The following PATJ variants were observed in gnomAD, a reference collection of about 807,000 sequenced individuals.
PATJ encodes the protein inaD-like protein.
A neutral mutation model predicts 224.9 loss-of-function variants in PATJ; 190 were observed. The ratio of observed to expected loss-of-function variants is 0.84; its 90% CI spans 0.75 to 0.95. The LOEUF (loss-of-function observed/expected upper bound fraction) is 0.95. Among genes scored for constraint, PATJ ranks in the 40% least tolerant of loss-of-function variants. The pLI, the probability that PATJ is intolerant of heterozygous loss-of-function variation, is 0.00. For missense variants in PATJ, 2,121 were observed against 2,270.3 expected, an observed-to-expected ratio of 0.93 and a Z score of 1.34; for synonymous variants, 769 against 820.3, an observed-to-expected ratio of 0.94 and a Z score of 1.07.
At chr1:61,800,266 T>C (rs1652201423) in intron 11 of PATJ, among the ~76,000 whole-genome samples, 1 of 152,204 alleles carries the variant, frequency 6.6e-6, no homozygotes, top group Non-Finnish European at 1.5e-5. Context: ...ATATCAGTTG[T>C]TTTTTGACTT....
At position 61,782,902 on chromosome 1, in the gene PATJ, C is replaced by T. The variant is rs146011468; in HGVS notation, c.850-4852C>T. On this transcript the variant is annotated intron_variant, in intron 7 of 43. Transcript: ENST00000642238. ...CATGTGGTCTGGCGAAGTTCTAGGGCGGTCAGGTATACCGGAATACCTCGT... is the reference window on the plus strand; with the variant it reads ...CATGTGGTCTGGCGAAGTTCTAGGGTGGTCAGGTATACCGGAATACCTCGT... Among the ~76,000 whole-genome samples, 96 of 152,290 alleles carry T rather than the reference C, an allele frequency of 6.3e-4. 1 individual carries two copies. Among genetic ancestry groups the T allele is most frequent in the African/African-American group, 2.1e-3 (87 of 41,560 alleles).
At chr1:62,144,773 A>ATATATATATATATATATATATATAT (rs1017771263) in intron 41 of PATJ, among the ~76,000 whole-genome samples, 5 of 86,904 alleles carry the variant, frequency 5.8e-5, no homozygotes, top group East Asian at 3.7e-4. Context: ...TTGCAAAAAA[A>ATATATATATATATATATATATATAT]AAAAATATAT....
chr1:61,872,246 A>G (rs1418302835), intron 20 of PATJ, among the ~76,000 whole-genome samples: 1 of 152,138 alleles, frequency 6.6e-6, no homozygotes, highest in Non-Finnish European at 1.5e-5. Context: ...ATGTAGTCAG[A>G]TCCCCTTTCT....
At chr1:62,039,109 T>C in intron 30 of PATJ, 1 of 696,224 alleles carries the variant, frequency 1.4e-6, no homozygotes, top group Non-Finnish European at 2.7e-6. Context: ...AATGGCCTCT[T>C]GATGGCTCGT....
intron 11 of PATJ, among the ~76,000 whole-genome samples, chr1:61,800,822 A>G (rs1366777670): frequency 6.6e-6 from 1 of 152,068 alleles, no homozygotes; most frequent in Non-Finnish European, 1.5e-5. Context: ...GAGTGAGAAC[A>G]TGGTGGTGTT....
Position 61,934,188 on chromosome 1 carries a change from G to A in PATJ, c.3670+6359G>A, listed in dbSNP as rs529998039. 4.6e-5 allele frequency among the ~76,000 whole-genome samples: 7 copies of A among 152,238 alleles called. No individual in the cohort carries two copies. In the South Asian group the frequency reaches 8.3e-4, roughly 18 times the overall value. Reference sequence around the variant, plus strand: ...GGCTAGAGTGCAGTGGCACGATCTCGGCTCACCGCAACCTCTGCCTCCCGG... The same window carrying A: ...GGCTAGAGTGCAGTGGCACGATCTCAGCTCACCGCAACCTCTGCCTCCCGG... On this transcript the variant is annotated intron_variant, in intron 27 of 43. Transcript: ENST00000642238.
At chr1:61,814,511 T>G (rs1655638090) in intron 14 of PATJ, among the ~76,000 whole-genome samples, 1 of 137,850 alleles carries the variant, frequency 7.3e-6, no homozygotes, top group South Asian at 2.4e-4. Flanking sequence ...ATTACCTGCC[T>G]TTTGTTTAGT....
chr1:61,990,386 CT>C (rs1257369861), intron 28 of PATJ, 22 bp downstream of exon 28: 1 of 1,579,198 alleles, frequency 6.3e-7, no homozygotes, highest in East Asian at 2.3e-5. Context: ...GTGTTTTTAA[CT>C]TATCTTTTGG....
intron 33 of PATJ, among the ~76,000 whole-genome samples, chr1:62,099,424 A>G (rs77439635): frequency 0.018 from 2,345 of 127,892 alleles, 34 homozygotes; most frequent in Non-Finnish European, 0.023. Context: ...CCCCTAATGC[A>G]GGGTAATAAG....
intron 25 of PATJ, among the ~76,000 whole-genome samples, chr1:61,913,940 T>A (rs575480332): frequency 6.6e-6 from 1 of 152,360 alleles, no homozygotes; most frequent in African/African-American, 2.4e-5. Flanking sequence ...GTATGTGAAC[T>A]TGTTTTTAGT....
intron 8 of PATJ, among the ~76,000 whole-genome samples, chr1:61,788,508 T>C (rs1301332228): frequency 6.6e-6 from 1 of 152,174 alleles, no homozygotes; most frequent in Non-Finnish European, 1.5e-5. Context: ...AAGTCAAACA[T>C]CATGTTAAAG....
At chr1:61,996,994 G>T (rs111955667) in intron 28 of PATJ, among the ~76,000 whole-genome samples, 24 of 151,992 alleles carry the variant, frequency 1.6e-4, no homozygotes, top group African/African-American at 5.8e-4. Context: ...TGCCCGCCTT[G>T]GCCTCCCAAA....
At chr1:62,065,121 T>C (rs1656194154) in intron 31 of PATJ, among the ~76,000 whole-genome samples, 1 of 152,212 alleles carries the variant, frequency 6.6e-6, no homozygotes, top group South Asian at 2.1e-4. Flanking sequence ...TTCTTGGTGA[T>C]AAAAAAGGCT....
At chr1:61,792,027 AAAAT>A (rs1171941182) in intron 9 of PATJ, among the ~76,000 whole-genome samples, 1 of 152,206 alleles carries the variant, frequency 6.6e-6, no homozygotes, top group African/African-American at 2.4e-5. Context: ...AGGGTAAGAA[AAAAT>A]AAACCTTTCC....
At chr1:62,122,069 AAC>A (rs939088951) in intron 38 of PATJ, among the ~76,000 whole-genome samples, 2 of 151,938 alleles carry the variant, frequency 1.3e-5, no homozygotes, top group African/African-American at 4.8e-5. Context: ...TGTACAATGA[AAC>A]ACAAATGACT....
chr1:62,139,308 G>C lies in PATJ; in HGVS notation c.5272-8976G>C, dbSNP rs376383589. On this transcript the variant is annotated intron_variant, in intron 41 of 43. Transcript: ENST00000642238. ...CCCAGCTACTTGGGTGGCTGAGGCA[G>C]AGAATTGCCTGAATCCGGGAGGCAG... Among the ~76,000 whole-genome samples the C allele has an allele frequency of 1.4e-3, 214 of 149,328 alleles. 2 individuals are homozygous for C. The highest frequency in any genetic ancestry group is 5.0e-3 in the African/African-American group (200 of 40,402).
intron 7 of PATJ, among the ~76,000 whole-genome samples, chr1:61,776,728 CTT>C (rs34101329): frequency 0.013 from 1,847 of 142,278 alleles, 11 homozygotes; most frequent in African/African-American, 0.016. Context: ...GATTAATCTA[CTT>C]TTTTTTTTTT....
rs150163260 is a variant in PATJ at position 61,949,071 on chromosome 1, G to A, written c.3670+21242G>A. ...ACACACTGGGGTCTGTTGTGGGGTC[G>A]GCGGGGAGCGGGGAGGGATTGCATT... is the stretch of plus-strand genomic sequence containing the variant. On this transcript the variant is annotated intron_variant, in intron 27 of 43. Coordinates refer to ENST00000642238, the MANE Select transcript of PATJ (RefSeq NM_001350145.3). Among the ~76,000 whole-genome samples, 547 of 143,606 alleles carry A rather than the reference G, an allele frequency of 3.8e-3. 3 individuals carry two copies. Among genetic ancestry groups the A allele is most frequent in the Middle Eastern group, 0.028 (8 of 284 alleles). The allele number at this position is 143,606 out of a possible 152,430, so 94.2% of individuals were successfully genotyped here. A position where few individuals can be genotyped will look rare whatever the true frequency, so the allele number is the denominator to read the frequency against.
chr1:62,088,681 A>G (rs1371660335), intron 33 of PATJ, among the ~76,000 whole-genome samples: 1 of 152,094 alleles, frequency 6.6e-6, no homozygotes, highest in Non-Finnish European at 1.5e-5. Flanking sequence ...GCACACAGTA[A>G]GCCACTGCCC....
Sources: allele counts gnomAD v4.1 joint callset (sites outside exome capture counted in the v4.1 genomes callset), GRCh38; gene constraint gnomAD v4.1.1; transcripts MANE v1.5; gene names NCBI Gene and HGNC (gene_info 2026-07-23, HGNC 2026-07-21).